The following RAB10 variants were observed in gnomAD, a reference collection of about 807,000 sequenced individuals.
RAB10 encodes the protein RAB10, member RAS oncogene family.
Under a neutral mutation model 25.7 loss-of-function variants are expected in RAB10, and 5 were observed. That is an observed-to-expected ratio of 0.19 (90% CI 0.10 to 0.41). The LOEUF (loss-of-function observed/expected upper bound fraction) is 0.41, where lower values mean the gene tolerates loss of function less well. Ranked by LOEUF, RAB10 falls within the 10% of genes least tolerant of loss-of-function variation. RAB10 has a pLI of 1.00. For missense variants in RAB10, 103 were observed against 245.8 expected (o/e 0.42, Z 3.89); for synonymous variants, 89 against 86.4 (o/e 1.03, Z -0.16).
Position 26,034,443 on chromosome 2 carries a change from C to CG in RAB10, c.-162dup, listed in dbSNP as rs1665718367. On this transcript the variant is annotated 5_prime_UTR_variant, in exon 1 of 6. Coordinates refer to ENST00000264710, the MANE Select transcript of RAB10 (RefSeq NM_016131.5). ...CGGAGGCACTGGACGCCGCCACTGT[C>CG]GGGGCTTCCTCAAAGCTGTTCGTAG... 5 of 893,290 alleles carry CG rather than the reference C, an allele frequency of 5.6e-6. No homozygotes were observed. The highest frequency in any genetic ancestry group is 8.3e-6 in the Non-Finnish European group (5 of 603,702). 55.3% of individuals were successfully genotyped at this position (893,290 alleles called of 1,614,324 possible).
At chr2:26,116,969 T>C (rs1446333400) in intron 3 of RAB10, among the ~76,000 whole-genome samples, 1 of 152,152 alleles carries the variant, frequency 6.6e-6, no homozygotes, top group East Asian at 1.9e-4. Context: ...TGTGCCACTC[T>C]TTGTATTTCT....
At chr2:26,108,328 A>G (rs1667506654) in intron 2 of RAB10, among the ~76,000 whole-genome samples, 1 of 152,252 alleles carries the variant, frequency 6.6e-6, no homozygotes, top group Non-Finnish European at 1.5e-5. Flanking sequence ...ATGAAATGGG[A>G]CAGACCAGGA....
chr2:26,054,897 C>T (rs1431302923), intron 1 of RAB10, among the ~76,000 whole-genome samples: 1 of 151,878 alleles, frequency 6.6e-6, no homozygotes, highest in African/African-American at 2.4e-5. Context: ...GGGAGGGTTG[C>T]TTGAGCCCAG....
intron 1 of RAB10, among the ~76,000 whole-genome samples, chr2:26,078,730 G>T (rs1190269574): frequency 1.3e-5 from 2 of 152,056 alleles, no homozygotes; most frequent in Non-Finnish European, 2.9e-5. Context: ...TCACATTGAG[G>T]CACATCCTAG....
chr2:26,066,553 A>T (rs751492719), intron 1 of RAB10, among the ~76,000 whole-genome samples: 3 of 152,148 alleles, frequency 2.0e-5, no homozygotes, highest in Non-Finnish European at 4.4e-5. Flanking sequence ...GGAAACTTAC[A>T]GTCATGGTGG....
rs539776259 is a variant in RAB10, at chr2:26,051,163, C to T, written c.127+16428C>T. Among the ~76,000 whole-genome samples the T allele has an allele frequency of 1.2e-4, 19 of 152,266 alleles. 1 individual carries two copies. Among genetic ancestry groups the T allele is most frequent in the African/African-American group, 4.3e-4 (18 of 41,548 alleles). ...ATGTTGTCCAGGCTGATCTTAACTC[C>T]TGGGCTCAATTGATCCTCCTACCTT... On this transcript the variant is annotated intron_variant, in intron 1 of 5. Coordinates refer to ENST00000264710, the MANE Select transcript of RAB10 (RefSeq NM_016131.5).
chr2:26,069,005 A>G (rs989713778), intron 1 of RAB10, among the ~76,000 whole-genome samples: 2 of 152,200 alleles, frequency 1.3e-5, no homozygotes, highest in African/African-American at 2.4e-5. Flanking sequence ...AAGAATTTCT[A>G]GTTTGTCTTA....
intron 5 of RAB10, among the ~76,000 whole-genome samples, chr2:26,128,168 C>T (rs1574564592): frequency 2.0e-5 from 3 of 152,098 alleles, no homozygotes; most frequent in Non-Finnish European, 4.4e-5. Flanking sequence ...AGAAACTACC[C>T]CACCTCAGAT....
chr2:26,133,418 A>G (rs909614004), intron 5 of RAB10, among the ~76,000 whole-genome samples: 12 of 152,300 alleles, frequency 7.9e-5, no homozygotes, highest in African/African-American at 2.9e-4. Flanking sequence ...CTAATCTTAG[A>G]TGATAGAAAT....
chr2:26,063,749 A>C (rs556908675), intron 1 of RAB10, among the ~76,000 whole-genome samples: 11 of 152,274 alleles, frequency 7.2e-5, no homozygotes, highest in Admixed American at 5.2e-4. Flanking sequence ...CAGTCGTTAC[A>C]TTGACATTTT....
At chr2:26,111,195 A>G (rs1667560681) in intron 3 of RAB10, among the ~76,000 whole-genome samples, 1 of 152,188 alleles carries the variant, frequency 6.6e-6, no homozygotes, top group South Asian at 2.1e-4. Flanking sequence ...TTAAACCAAT[A>G]TTAGACCCAA....
intron 1 of RAB10, among the ~76,000 whole-genome samples, chr2:26,037,544 C>T (rs1665789448): frequency 6.6e-6 from 1 of 151,826 alleles, no homozygotes; most frequent in Admixed American, 6.6e-5. Context: ...GAGGCTGAGG[C>T]AGGAGAATCG....
upstream of RAB10, among the ~76,000 whole-genome samples, chr2:26,033,727 C>G (rs1224460322): frequency 7.0e-6 from 1 of 142,226 alleles, no homozygotes; most frequent in Admixed American, 6.9e-5. Context: ...CGGGAGACCC[C>G]GGGAGGGGAA....
chr2:26,094,881 TTAAG>T (rs1667179278), intron 1 of RAB10, among the ~76,000 whole-genome samples: 2 of 152,278 alleles, frequency 1.3e-5, no homozygotes, highest in African/African-American at 4.8e-5. Flanking sequence ...TTTAATCATG[TTAAG>T]TAATTATTGC....
chr2:26,134,988 A>G lies in RAB10; in HGVS notation c.570A>G (p.Gly190=). The part of the protein sequence containing the change: ...NSENVDISSG[G]GVTGWKSKCC ...AAAATGTAGATATCAGCAGTGGAGG[A>G]GGCGTGACAGGCTGGAAGAGCAAAT... The change falls in exon 6 of 6, where the codon GGA becomes GGG. Residue 190 remains glycine (G), a synonymous_variant. Transcript: ENST00000264710. 1 of 1,613,862 alleles carries G rather than the reference A, an allele frequency of 6.2e-7. No individual in the cohort carries two copies. Among genetic ancestry groups the G allele is most frequent in the Non-Finnish European group, 8.5e-7 (1 of 1,179,842 alleles).
At chr2:26,058,756 T>G (rs906458357) in intron 1 of RAB10, among the ~76,000 whole-genome samples, 5 of 152,216 alleles carry the variant, frequency 3.3e-5, no homozygotes, top group African/African-American at 1.2e-4. Flanking sequence ...TATTCTCTCA[T>G]TTCTTCCAGG....
intron 2 of RAB10, among the ~76,000 whole-genome samples, chr2:26,099,532 GTTTTTTTTTT>G (rs70950167): frequency 2.0e-4 from 15 of 73,330 alleles, no homozygotes; most frequent in African/African-American, 3.7e-4. Context: ...GTTTTTTTGG[GTTTTTTTTTT>G]TTTTTTTTTT....
At chr2:26,087,425 G>A (rs1371907726) in intron 1 of RAB10, among the ~76,000 whole-genome samples, 2 of 152,028 alleles carry the variant, frequency 1.3e-5, no homozygotes, top group Non-Finnish European at 2.9e-5. Context: ...TTATTATGAC[G>A]AATTTTCGCT....
chr2:26,096,328 A>G (rs141623126), intron 1 of RAB10, among the ~76,000 whole-genome samples: 1 of 152,138 alleles, frequency 6.6e-6, no homozygotes, highest in African/African-American at 2.4e-5. Context: ...ATTCTGATGT[A>G]GAAAGTGTAA....
Sources: allele counts gnomAD v4.1 joint callset (sites outside exome capture counted in the v4.1 genomes callset), GRCh38; gene constraint gnomAD v4.1.1; transcripts MANE v1.5; gene names NCBI Gene and HGNC (gene_info 2026-07-23, HGNC 2026-07-21).